The following DSCAML1 variants were observed in gnomAD, a reference collection of about 807,000 sequenced individuals.
DSCAML1 encodes cell adhesion molecule DSCAML1.
A neutral mutation model predicts 200.5 loss-of-function variants in DSCAML1; 38 were observed. The observed-to-expected ratio is 0.19, with a 90% CI of 0.15 to 0.25. The LOEUF is 0.25. DSCAML1 is among the 10% of genes least tolerant of loss of function. DSCAML1 has a pLI of 1.00. For missense variants in DSCAML1, 2,223 were observed against 2,858.8 expected, an observed-to-expected ratio of 0.78 and a Z score of 5.07; for synonymous variants, 1,215 against 1,165.0, an observed-to-expected ratio of 1.04 and a Z score of -0.87.
intron 3 of DSCAML1, among the ~76,000 whole-genome samples, chr11:117,769,248 GTATATATTAT>G (rs2054967953): frequency 7.5e-4 from 2 of 2,662 alleles, no homozygotes; most frequent in Non-Finnish European, 3.4e-3. Flanking sequence ...TTTTATATAT[GTATATATTAT>G]ATATTTTATA....
intron 3 of DSCAML1, among the ~76,000 whole-genome samples, chr11:117,758,141 A>G (rs1248771265): frequency 6.6e-6 from 1 of 151,896 alleles, no homozygotes; most frequent in African/African-American, 2.4e-5. Flanking sequence ...TCTCTACTCA[A>G]AATACAAAAA....
At chr11:117,528,936 C>A (rs2050026325) in intron 4 of DSCAML1, among the ~76,000 whole-genome samples, 1 of 151,218 alleles carries the variant, frequency 6.6e-6, no homozygotes, top group African/African-American at 2.4e-5. Context: ...CCCCCCGCCC[C>A]CCCCCTTGGG....
At chr11:117,686,845 C>CGAT (rs1024537092) in intron 3 of DSCAML1, among the ~76,000 whole-genome samples, 10 of 152,220 alleles carry the variant, frequency 6.6e-5, no homozygotes, top group South Asian at 6.2e-4. Context: ...CTGATGATGA[C>CGAT]GATGATGATG....
chr11:117,559,119 A>AC (rs2050611811), intron 3 of DSCAML1, among the ~76,000 whole-genome samples: 1 of 144,204 alleles, frequency 6.9e-6, no homozygotes, highest in African/African-American at 2.5e-5. Context: ...AAAGAAAAAG[A>AC]AAGACAGAAA....
intron 3 of DSCAML1, among the ~76,000 whole-genome samples, chr11:117,586,789 G>C (rs1233957237): frequency 2.0e-5 from 3 of 152,226 alleles, no homozygotes; most frequent in Non-Finnish European, 2.9e-5. Context: ...GACATTGCCT[G>C]AGGCAGATCC....
intron 3 of DSCAML1, among the ~76,000 whole-genome samples, chr11:117,699,772 C>G (rs1389648035): frequency 6.6e-6 from 1 of 152,206 alleles, no homozygotes; most frequent in African/African-American, 2.4e-5. Flanking sequence ...AGTAAGTCAG[C>G]TGCACATTTG....
chr11:117,429,910 C>T (rs996031128), intron 32 of DSCAML1, among the ~76,000 whole-genome samples: 1 of 152,210 alleles, frequency 6.6e-6, no homozygotes, highest in Non-Finnish European at 1.5e-5. Flanking sequence ...AAATCATTTG[C>T]CTAAATTTGC....
At chr11:117,527,238 G>A (rs371061649) in intron 4 of DSCAML1, among the ~76,000 whole-genome samples, 1 of 152,164 alleles carries the variant, frequency 6.6e-6, no homozygotes, top group Non-Finnish European at 1.5e-5. Flanking sequence ...ATATGGACTT[G>A]GCAAAACTTC....
At chr11:117,774,946 C>G (rs2055105567) in intron 3 of DSCAML1, among the ~76,000 whole-genome samples, 1 of 152,094 alleles carries the variant, frequency 6.6e-6, no homozygotes, top group Non-Finnish European at 1.5e-5. Context: ...AGCCCTGTAC[C>G]TGGGATATAG....
At chr11:117,478,602 T>C (rs1235126985) in intron 14 of DSCAML1, among the ~76,000 whole-genome samples, 2 of 152,202 alleles carry the variant, frequency 1.3e-5, no homozygotes, top group African/African-American at 4.8e-5. Flanking sequence ...CGGCTCTCAG[T>C]GACCTTCCCC....
intron 3 of DSCAML1, among the ~76,000 whole-genome samples, chr11:117,744,005 G>A (rs1939977): frequency 0.1 from 15,422 of 152,132 alleles, 1,594 homozygotes; most frequent in African/African-American, 0.26. Flanking sequence ...ACTCAGCTCC[G>A]GATTATTGCA....
intron 3 of DSCAML1, among the ~76,000 whole-genome samples, chr11:117,568,328 C>G (rs968932955): frequency 2.6e-5 from 4 of 152,070 alleles, no homozygotes; most frequent in Non-Finnish European, 4.4e-5. Context: ...CAGGGATGCC[C>G]TCTCTCACCA....
chr11:117,764,098 C>T (rs1169865038), intron 3 of DSCAML1, among the ~76,000 whole-genome samples: 1 of 152,128 alleles, frequency 6.6e-6, no homozygotes, highest in Non-Finnish European at 1.5e-5. Context: ...AAGGCTGGCA[C>T]GGTGCCTCCA....
chr11:117,428,861 G>A (rs149144817), intron 32 of DSCAML1, 58 bp from the exon 33 acceptor site: 44 of 1,479,284 alleles, frequency 3.0e-5, no homozygotes, highest in Middle Eastern at 4.6e-4. Flanking sequence ...GAAGCAGCTC[G>A]TTCAGCCCCC....
At chr11:117,429,903 T>C (rs573062116) in intron 32 of DSCAML1, among the ~76,000 whole-genome samples, 5 of 152,228 alleles carry the variant, frequency 3.3e-5, no homozygotes, top group Non-Finnish European at 5.9e-5. Context: ...AGAGATTAAA[T>C]CATTTGCCTA....
intron 3 of DSCAML1, among the ~76,000 whole-genome samples, chr11:117,666,446 T>C (rs1207944026): frequency 6.6e-6 from 1 of 152,172 alleles, no homozygotes; most frequent in Non-Finnish European, 1.5e-5. Context: ...AGGCCTTTGT[T>C]CTTGTCTTAT....
chr11:117,749,824 G>A (rs1195422945), intron 3 of DSCAML1, among the ~76,000 whole-genome samples: 1 of 152,268 alleles, frequency 6.6e-6, no homozygotes, highest in Non-Finnish European at 1.5e-5. Flanking sequence ...CCTTACAGCG[G>A]GGAGAGCTGG....
rs1178658319 is a variant in DSCAML1 at position 117,780,258 on chromosome 11, AAGAAAGAAAG to A, written c.364+225_364+234del. On this transcript the variant is annotated intron_variant, in intron 2 of 32. Transcript: ENST00000651296. The surrounding 1 kb of genome is among the most constrained non-coding windows in gnomAD (Gnocchi z 4.8). ...AAAGAAAGAAAGAAAGAAAGAAAGA[AAGAAAGAAAG>A]AAAGAAAGAAAGAAAGAAAGAAAGA... Among the ~76,000 whole-genome samples, 8 of 94,278 alleles carry A rather than the reference AAGAAAGAAAG, an allele frequency of 8.5e-5. No individual in the cohort carries two copies. The highest frequency in any genetic ancestry group is 2.4e-4 in the African/African-American group (7 of 29,226). The allele number at this position is 94,278 out of a possible 152,430, so 61.9% of individuals were successfully genotyped here.
chr11:117,761,930 C>T (rs10790205), intron 3 of DSCAML1, among the ~76,000 whole-genome samples: 104,474 of 152,150 alleles, frequency 0.69, 37,990 homozygotes, highest in East Asian at 0.84. Context: ...TATAATGATA[C>T]TGGGTAGACT....
Sources: allele counts gnomAD v4.1 joint callset (sites outside exome capture counted in the v4.1 genomes callset), GRCh38; gene constraint gnomAD v4.1.1; non-coding constraint Gnocchi (gnomAD v3.1); transcripts MANE v1.5; gene names NCBI Gene and HGNC (gene_info 2026-07-23, HGNC 2026-07-21).